Variants in GPC4 observed in about 807,000 individuals in gnomAD.
GPC4 encodes glypican-4.
A neutral mutation model predicts 35.0 loss-of-function variants in GPC4; 10 were observed. The ratio of observed to expected loss-of-function variants is 0.29; its 90% confidence interval spans 0.18 to 0.48. The LOEUF is 0.48. Among genes scored for constraint, GPC4 ranks in the 20% least tolerant of loss-of-function variants. The pLI, the probability that GPC4 is intolerant of heterozygous loss-of-function variation, is 0.99. For missense variants in GPC4, 322 were observed against 451.3 expected (o/e 0.71, Z 2.60); for synonymous variants, 167 against 170.2 (o/e 0.98, Z 0.15).
chrX:133,371,481 A>C (rs1199471876), intron 1 of GPC4, among the ~76,000 whole-genome samples: 1 of 112,001 alleles, frequency 8.9e-6, no homozygotes, highest in African/African-American at 3.2e-5. Flanking sequence ...TGCTTTACTC[A>C]AATCACTGTT....
At chrX:133,328,159 T>C (rs1030409363) in intron 2 of GPC4, among the ~76,000 whole-genome samples, 1 of 111,198 alleles carries the variant, frequency 9.0e-6, no homozygotes, top group African/African-American at 3.3e-5. Context: ...AATCCCTCAC[T>C]ACATACAAAA....
intron 2 of GPC4, among the ~76,000 whole-genome samples, chrX:133,335,220 G>T (rs767421889): frequency 9.0e-6 from 1 of 111,486 alleles, no homozygotes; most frequent in South Asian, 3.8e-4. Flanking sequence ...TTGGCCAAGA[G>T]GGGGAGCAGC....
chrX:133,304,513 T>C (rs1460427314), intron 7 of GPC4, among the ~76,000 whole-genome samples: 2 of 111,777 alleles, frequency 1.8e-5, no homozygotes, highest in African/African-American at 6.5e-5. Flanking sequence ...TGTCAAACTT[T>C]TGACTCAGCA....
intron 1 of GPC4, among the ~76,000 whole-genome samples, chrX:133,400,080 T>G (rs945461886): frequency 2.7e-5 from 3 of 112,355 alleles, no homozygotes; most frequent in African/African-American, 9.7e-5. Flanking sequence ...TCTCCCCAGT[T>G]TACAAACTGT....
At chrX:133,410,568 T>C (rs1299843786) in intron 1 of GPC4, among the ~76,000 whole-genome samples, 1 of 111,983 alleles carries the variant, frequency 8.9e-6, no homozygotes, top group Non-Finnish European at 1.9e-5. Context: ...CTAAAACAGT[T>C]AATGTCATTG....
chrX:133,373,765 C>T (rs1569352148), intron 1 of GPC4, among the ~76,000 whole-genome samples: 1 of 112,009 alleles, frequency 8.9e-6, no homozygotes, highest in African/African-American at 3.2e-5. Context: ...CCAACTTTGA[C>T]ACTAAAGTAA....
At chrX:133,355,518 T>G (rs2068538133) in intron 1 of GPC4, among the ~76,000 whole-genome samples, 1 of 112,281 alleles carries the variant, frequency 8.9e-6, no homozygotes, top group South Asian at 3.7e-4. Flanking sequence ...TGCATTTTGC[T>G]TATTGGTTTA....
intron 1 of GPC4, among the ~76,000 whole-genome samples, chrX:133,402,300 G>A (rs2068770123): frequency 8.9e-6 from 1 of 111,939 alleles, no homozygotes; most frequent in African/African-American, 3.2e-5. Flanking sequence ...ATATTCTGGT[G>A]GCTTAATGCT....
At chrX:133,370,262 A>C (rs1298214628) in intron 1 of GPC4, among the ~76,000 whole-genome samples, 1 of 112,139 alleles carries the variant, frequency 8.9e-6, no homozygotes, top group Non-Finnish European at 1.9e-5. Context: ...CAAAAAGTCA[A>C]CAATCTGTTT....
chrX:133,318,762 A>G (rs1414118502), intron 3 of GPC4, among the ~76,000 whole-genome samples: 1 of 112,550 alleles, frequency 8.9e-6, no homozygotes, highest in Non-Finnish European at 1.9e-5. Flanking sequence ...TGTATCATGA[A>G]CCATGACAAA....
At position 133,306,108 on chromosome X, in the gene GPC4, A is replaced by G. The variant is rs1277802487; in HGVS notation, c.924T>C (p.Ile308=). Residue 308 remains isoleucine, a synonymous_variant, in exon 5 of 9, where the codon ATT becomes ATC. Transcript: ENST00000370828. ...CATCGATGGGATCCATGACCGATTCAATGTTGAAAGGACCCTCTAGCCTCT... is the reference window on the plus strand; with the variant it reads ...CATCGATGGGATCCATGACCGATTCGATGTTGAAAGGACCCTCTAGCCTCT... The part of the protein sequence containing the change: ...VAERLEGPFN[I]ESVMDPIDVK... 9 of 1,210,992 alleles carry G rather than the reference A, an allele frequency of 7.4e-6. No individual in the cohort carries two copies. Among genetic ancestry groups the G allele is most frequent in the Middle Eastern group, 2.3e-4 (1 of 4,353 alleles).
intron 1 of GPC4, among the ~76,000 whole-genome samples, chrX:133,407,000 C>T (rs767257393): frequency 9.3e-6 from 1 of 107,934 alleles, no homozygotes; most frequent in South Asian, 4.1e-4. Context: ...CGCTTGAACC[C>T]AGGAAGTGGA....
At chrX:133,411,117 A>C (rs2068811219) in intron 1 of GPC4, among the ~76,000 whole-genome samples, 1 of 112,681 alleles carries the variant, frequency 8.9e-6, no homozygotes, top group Non-Finnish European at 1.9e-5. Flanking sequence ...CCACGTAGTC[A>C]TAACAGCTTA....
chrX:133,309,682 C>A (rs146560971), intron 4 of GPC4, among the ~76,000 whole-genome samples: 1,680 of 111,885 alleles, frequency 0.015, 35 homozygotes, highest in African/African-American at 0.05. Flanking sequence ...ATTATAGGGG[C>A]AATTGAAAAG....
At chrX:133,357,031 A>G (rs142708709) in intron 1 of GPC4, among the ~76,000 whole-genome samples, 1,478 of 111,456 alleles carry the variant, frequency 0.013, 13 homozygotes, top group Non-Finnish European at 0.019. Context: ...TATGGAAAGC[A>G]TAACAGCTTC....
intron 1 of GPC4, among the ~76,000 whole-genome samples, chrX:133,349,336 C>G (rs1194883922): frequency 8.9e-6 from 1 of 112,556 alleles, no homozygotes; most frequent in African/African-American, 3.2e-5. Flanking sequence ...CCCCTAGGGG[C>G]TGAATCAACA....
At position 133,324,571 on chromosome X, in the gene GPC4, G is replaced by A. The variant is rs75428432; in HGVS notation, c.320-35C>T. ...ACACCAAAAAAAAAAAAAAAAAAAG[G>A]AAAAACGAGAGTTTTCAGTGTTTAA... On this transcript the variant is annotated intron_variant, in intron 2 of 8. Transcript: ENST00000370828. 8.4e-3 allele frequency: 7,479 copies of A among 887,499 alleles called. 498 individuals are homozygous for A. In the East Asian group the frequency reaches 0.2, roughly 24 times the overall value. The allele number at this position is 887,499 out of a possible 1,213,427, so 73.1% of individuals were successfully genotyped here. A position where few individuals can be genotyped will look rare whatever the true frequency, so the allele number is the denominator to read the frequency against.
Position 133,384,644 on chromosome X carries a change from T to C in GPC4, c.160+30162A>G, listed in dbSNP as rs770187965. Among the ~76,000 whole-genome samples the C allele has an allele frequency of 5.4e-5, 6 of 111,341 alleles. No individual in the cohort carries two copies. In the South Asian group the frequency reaches 2.3e-3, roughly 43 times the overall value. ...GCGTGACAGGTACAAGCAGGAACCA[T>C]GAAAGGTCCCAGGTCGGGCATCATT... On this transcript the variant is annotated intron_variant, in intron 1 of 8. Transcript: ENST00000370828.
At chrX:133,349,287 G>A (rs918290858) in intron 1 of GPC4, among the ~76,000 whole-genome samples, 1 of 112,269 alleles carries the variant, frequency 8.9e-6, no homozygotes, top group East Asian at 2.8e-4. Context: ...AAGGAAGAAG[G>A]TATCCTCAGG....
Sources: allele counts gnomAD v4.1 joint callset (sites outside exome capture counted in the v4.1 genomes callset), GRCh38; gene constraint gnomAD v4.1.1; transcripts MANE v1.5; gene names NCBI Gene and HGNC (gene_info 2026-07-23, HGNC 2026-07-21).